The following OPCML variants were observed in gnomAD, a reference collection of about 807,000 sequenced individuals.
OPCML encodes opioid binding protein/cell adhesion molecule like, also known as opioid-binding protein/cell adhesion molecule.
A neutral mutation model predicts 37.8 loss-of-function variants in OPCML; 13 were observed. The ratio of observed to expected loss-of-function variants is 0.34; its 90% CI spans 0.22 to 0.55. The LOEUF is 0.55. Ranked by LOEUF, OPCML falls within the 20% of genes least tolerant of loss-of-function variation. OPCML has a pLI of 0.91. For synonymous variants in OPCML, 176 were observed against 168.8 expected, an observed-to-expected ratio of 1.04 and a Z score of -0.33; for missense variants, 341 against 435.6, an observed-to-expected ratio of 0.78 and a Z score of 1.93.
intron 1 of OPCML, among the ~76,000 whole-genome samples, chr11:133,386,938 G>A (rs1216894003): frequency 2.0e-5 from 3 of 152,176 alleles, no homozygotes; most frequent in Non-Finnish European, 4.4e-5. Flanking sequence ...CTTGGAGGCT[G>A]CAGAGGGTCC....
intron 1 of OPCML, among the ~76,000 whole-genome samples, chr11:133,040,592 G>A (rs1036014027): frequency 2.6e-5 from 4 of 152,178 alleles, no homozygotes; most frequent in African/African-American, 9.7e-5. Context: ...GGCTTGGAAG[G>A]AATTTGGAAA....
chr11:132,586,907 A>G (rs1341617088), intron 3 of OPCML, among the ~76,000 whole-genome samples: 1 of 152,200 alleles, frequency 6.6e-6, no homozygotes, highest in African/African-American at 2.4e-5. Flanking sequence ...CCCAACACTA[A>G]TAAAGAAGCA....
chr11:132,707,471 T>C (rs928653810), intron 2 of OPCML, among the ~76,000 whole-genome samples: 3 of 152,214 alleles, frequency 2.0e-5, no homozygotes, highest in Admixed American at 2.0e-4. Context: ...CTATGGAACA[T>C]ATTTCAGTTA....
At chr11:133,393,226 TAATC>T (rs1009109518) in intron 1 of OPCML, among the ~76,000 whole-genome samples, 1 of 152,226 alleles carries the variant, frequency 6.6e-6, no homozygotes, top group Non-Finnish European at 1.5e-5. Context: ...GAGTTCAATT[TAATC>T]AATCAACAAC....
intron 1 of OPCML, among the ~76,000 whole-genome samples, chr11:133,072,260 T>C (rs955208523): frequency 1.3e-5 from 2 of 152,190 alleles, no homozygotes; most frequent in African/African-American, 4.8e-5. Context: ...AATGATGAAT[T>C]TTATGGCATG....
chr11:132,451,027 T>C (rs189748278), intron 4 of OPCML, among the ~76,000 whole-genome samples: 119 of 152,098 alleles, frequency 7.8e-4, no homozygotes, highest in African/African-American at 2.2e-3. Context: ...CACAGCTAAA[T>C]AAGGAATAAA....
In OPCML at chr11:133,220,815, A is replaced by G. The variant is rs989689049; in HGVS notation, c.62-277805T>C. ...AGCTTCGGGAGCCTCTAAATGCTTA[A>G]CAGCCCCCCGATCTATAGCCCCCGG... On this transcript the variant is annotated intron_variant, in intron 1 of 7. Coordinates refer to ENST00000524381, the MANE Select transcript of OPCML (RefSeq NM_001012393.5). Among the ~76,000 whole-genome samples the G allele has an allele frequency of 4.6e-5, 7 of 152,092 alleles. 1 individual carries two copies. The highest frequency in any genetic ancestry group is 4.6e-4 in the Admixed American group (7 of 15,278).
chr11:133,024,483 T>C (rs1359481282), intron 1 of OPCML: 12 of 985,254 alleles, frequency 1.2e-5, no homozygotes, highest in Non-Finnish European at 1.4e-5. Flanking sequence ...GGGGCAGGTT[T>C]CACGGGTAAT....
rs149872360 is a variant in OPCML at position 132,673,605 on chromosome 11, T to G, written c.147-16286A>C. 2.8e-4 allele frequency among the ~76,000 whole-genome samples: 42 copies of G among 152,154 alleles called. No individual in the cohort carries two copies. The East Asian group carries it at 7.0e-3, about 25-fold the overall frequency. On this transcript the variant is annotated intron_variant, in intron 2 of 7. Transcript: ENST00000524381. Reference sequence around the variant, plus strand: ...GTTGGGAGGTGGAAAAAAGCCCTATTTTGAAAGGGGTCATTGGCTCCTCAG... The same window carrying G: ...GTTGGGAGGTGGAAAAAAGCCCTATGTTGAAAGGGGTCATTGGCTCCTCAG...
chr11:133,419,471 A>T (rs1239987443), intron 1 of OPCML: 1 of 305,578 alleles, frequency 3.3e-6, no homozygotes, highest in Non-Finnish European at 4.8e-6. Context: ...CTTTTGATTA[A>T]ATAAGTTATA....
chr11:132,915,109 A>G (rs1944561289), intron 2 of OPCML, among the ~76,000 whole-genome samples: 1 of 152,236 alleles, frequency 6.6e-6, no homozygotes, highest in African/African-American at 2.4e-5. Flanking sequence ...ATAGAGAAGT[A>G]TACAGAACAT....
At chr11:133,383,505 A>C (rs1447102440) in intron 1 of OPCML, among the ~76,000 whole-genome samples, 1 of 152,048 alleles carries the variant, frequency 6.6e-6, no homozygotes, top group African/African-American at 2.4e-5. Context: ...AAGGAATTTG[A>C]TTTTACTTGT....
intron 1 of OPCML, chr11:133,117,980 G>A: frequency 1.0e-6 from 1 of 968,742 alleles, no homozygotes; most frequent in Middle Eastern, 5.3e-4. Context: ...ACTGCAAGTG[G>A]AGGAGACATC....
chr11:132,552,798 G>A (rs12277042), intron 3 of OPCML, among the ~76,000 whole-genome samples: 42,397 of 119,570 alleles, frequency 0.35, 6,926 homozygotes, highest in Middle Eastern at 0.44. Flanking sequence ...GTGGAGTCTC[G>A]CTCTGTCTCC....
intron 4 of OPCML, among the ~76,000 whole-genome samples, chr11:132,501,002 C>T (rs1456245595): frequency 6.6e-6 from 1 of 152,166 alleles, no homozygotes; most frequent in African/African-American, 2.4e-5. Context: ...GTGAATAGTG[C>T]TGCAATAAAC....
intron 1 of OPCML, among the ~76,000 whole-genome samples, chr11:133,036,240 C>T (rs1446809149): frequency 6.6e-6 from 1 of 152,164 alleles, no homozygotes; most frequent in African/African-American, 2.4e-5. Context: ...TTAAGAACTT[C>T]CCTAATGCCA....
intron 3 of OPCML, among the ~76,000 whole-genome samples, chr11:132,624,090 A>C (rs1939592320): frequency 6.6e-6 from 1 of 152,230 alleles, no homozygotes; most frequent in Admixed American, 6.5e-5. Context: ...AGGACTCAAT[A>C]AATATTTGCA....
intron 2 of OPCML, among the ~76,000 whole-genome samples, chr11:132,717,837 C>A (rs1397261878): frequency 1.3e-5 from 2 of 152,076 alleles, no homozygotes; most frequent in African/African-American, 4.8e-5. Flanking sequence ...TTTTGAAAGA[C>A]AACAAAAACT....
intron 3 of OPCML, 109 bp downstream of exon 3, chr11:132,656,978 A>G: frequency 6.6e-7 from 1 of 1,505,792 alleles, no homozygotes; most frequent in Non-Finnish European, 8.9e-7. Flanking sequence ...TGAATTCAGT[A>G]GAGGAAGATG....
Sources: gnomAD v4.1 joint callset for allele counts (sites outside exome capture counted in the v4.1 genomes callset) on GRCh38, gnomAD v4.1.1 for gene constraint, MANE v1.5 for transcripts, NCBI Gene and HGNC (gene_info 2026-07-23, HGNC 2026-07-21) for gene names.